SLC6A2: variants seen among roughly 807,000 people sequenced by gnomAD.
The protein encoded by SLC6A2 is sodium-dependent noradrenaline transporter.
In SLC6A2, 26 loss-of-function variants were observed where a neutral mutation model predicts 71.7. That is an observed-to-expected ratio of 0.36 (90% CI 0.27 to 0.50). The LOEUF (loss-of-function observed/expected upper bound fraction) is 0.50, where lower values mean the gene tolerates loss of function less well. SLC6A2 is among the 20% of genes least tolerant of loss of function. The pLI is 0.96. For synonymous variants in SLC6A2, 363 were observed against 337.9 expected (o/e 1.07, Z -0.82); for missense variants, 581 against 803.9 (o/e 0.72, Z 3.35).
At chr16:55,700,545 G>A (rs575756850) in intron 13 of SLC6A2, among the ~76,000 whole-genome samples, 80 of 152,222 alleles carry the variant, frequency 5.3e-4, no homozygotes, top group African/African-American at 1.6e-3. Context: ...AGTGTCTGGC[G>A]CACAGGAGGT....
At chr16:55,657,969 T>C (rs767745449) in intron 2 of SLC6A2, among the ~76,000 whole-genome samples, 11 of 151,818 alleles carry the variant, frequency 7.2e-5, no homozygotes, top group Non-Finnish European at 1.2e-4. Context: ...TGTGGGAAAA[T>C]AGACCTTTTG....
At position 55,672,080 on chromosome 16, in the gene SLC6A2, C is replaced by G. The variant is rs1235943650; in HGVS notation, c.549C>G (p.Pro183=). The change falls in exon 4 of 15, where the codon CCC becomes CCG. Residue 183 remains proline, a synonymous_variant. Transcript: ENST00000568943. ...WTDCGHTWNS[P]NCTDPKLLNG... ...ACTGTGGCCACACCTGGAACAGCCC[C>G]AACTGTACCGACCCCAAGCTCCTCA... 4 of 1,614,216 alleles carry G rather than the reference C, an allele frequency of 2.5e-6. No individual in the cohort carries two copies. The highest frequency in any genetic ancestry group is 1.7e-5 in the Admixed American group (1 of 60,034).
chr16:55,700,177 C>T lies in SLC6A2; in HGVS notation c.1629C>T (p.Leu543=). Residue 543 remains leucine (L), a synonymous_variant, in exon 13 of 15, where the codon CTC becomes CTT. Transcript: ENST00000568943. ...VVVSIINFKP[L]TYDDYIFPPW... Reference sequence around the variant, plus strand: ...TCAGCATCATCAACTTCAAGCCACTCACCTACGACGACTACATCTTCCCGC... The same window carrying T: ...TCAGCATCATCAACTTCAAGCCACTTACCTACGACGACTACATCTTCCCGC... 6.2e-7 allele frequency: 1 copy of T among 1,614,126 alleles called. No individual in the cohort carries two copies. The highest frequency in any genetic ancestry group is 1.1e-5 in the South Asian group (1 of 91,084).
intron 5 of SLC6A2, among the ~76,000 whole-genome samples, chr16:55,687,730 G>A (rs531938690): frequency 1.1e-4 from 16 of 152,282 alleles, no homozygotes; most frequent in African/African-American, 3.9e-4. Flanking sequence ...TTCTAACATT[G>A]CACCCCAAGA....
Position 55,700,431 on chromosome 16 carries a change from C to T in SLC6A2, c.1758+125C>T, listed in dbSNP as rs149586153. ...ACACAGACACTAGGGTCAAACGGAC[C>T]CACCTCATTGGCCAGGTTATTTTCC... On this transcript the variant is annotated intron_variant, in intron 13 of 14. Transcript: ENST00000568943. 432 of 777,868 alleles carry T rather than the reference C, an allele frequency of 5.6e-4. 3 individuals are homozygous for T. In the East Asian group the frequency reaches 0.011, roughly 21 times the overall value. 48.2% of individuals were successfully genotyped at this position (777,868 alleles called of 1,614,324 possible). A position where few individuals can be genotyped will look rare whatever the true frequency, so the allele number is the denominator to read the frequency against.
intron 5 of SLC6A2, among the ~76,000 whole-genome samples, chr16:55,691,345 G>A (rs1419843534): frequency 6.6e-6 from 1 of 151,624 alleles, no homozygotes; most frequent in Non-Finnish European, 1.5e-5. Flanking sequence ...GCAATGGTGT[G>A]ATGGACACAG....
At position 55,656,391 on chromosome 16, in the gene SLC6A2, G is replaced by T; in HGVS notation, c.-52+222G>T. On this transcript the variant is annotated intron_variant, in intron 1 of 14. Transcript: ENST00000568943. The surrounding 1 kb of genome is among the most constrained non-coding windows in gnomAD (Gnocchi z 4.5). ...CAGCCATTTGGGGCAGGCGAGAGTG[G>T]GTGAACGAGGAAAAGTGCTGCAGGG... 2.0e-6 allele frequency: 1 copy of T among 494,474 alleles called. No individual in the cohort carries two copies. The allele number at this position is 494,474 out of a possible 1,614,324, so 30.6% of individuals were successfully genotyped here.
chr16:55,681,078 C>G (rs74019214), intron 4 of SLC6A2, among the ~76,000 whole-genome samples: 2,221 of 152,270 alleles, frequency 0.015, 63 homozygotes, highest in African/African-American at 0.05. Flanking sequence ...GCGGAGTCTC[C>G]CCAGCCGACC....
chr16:55,687,958 C>G (rs1965506730), intron 5 of SLC6A2, among the ~76,000 whole-genome samples: 3 of 152,186 alleles, frequency 2.0e-5, no homozygotes, highest in Admixed American at 2.0e-4. Context: ...CATGTAGAAA[C>G]ACAATGAGAG....
At chr16:55,691,808 A>G in intron 5 of SLC6A2, 110 bp from the exon 6 acceptor site, 1 of 1,252,374 alleles carries the variant, frequency 8.0e-7, no homozygotes, top group Non-Finnish European at 1.2e-6. Context: ...GGGTAAAGGA[A>G]GGTGGGAAAG....
At chr16:55,697,406 A>G (rs1287313832) in intron 9 of SLC6A2, among the ~76,000 whole-genome samples, 5 of 152,176 alleles carry the variant, frequency 3.3e-5, no homozygotes, top group African/African-American at 1.2e-4. Flanking sequence ...TTCAGACTCT[A>G]AGAGTCTGGA....
intron 4 of SLC6A2, among the ~76,000 whole-genome samples, chr16:55,679,992 C>G (rs1353112901): frequency 2.6e-5 from 4 of 152,204 alleles, no homozygotes; most frequent in Non-Finnish European, 5.9e-5. Flanking sequence ...CCTCTACCCT[C>G]TAGATACCAG....
chr16:55,663,999 T>A (rs1964680106), intron 2 of SLC6A2, among the ~76,000 whole-genome samples: 1 of 152,112 alleles, frequency 6.6e-6, no homozygotes. Context: ...CCCACTCAGC[T>A]TATTAGTATT....
At chr16:55,674,884 G>T (rs1965037155) in intron 4 of SLC6A2, among the ~76,000 whole-genome samples, 1 of 152,142 alleles carries the variant, frequency 6.6e-6, no homozygotes, top group Admixed American at 6.5e-5. Flanking sequence ...GGGATTGCTG[G>T]GTCGAATGGT....
rs147126320 is a variant in SLC6A2 at position 55,663,037 on chromosome 16, T to C, written c.274+6069T>C. Among the ~76,000 whole-genome samples the C allele has an allele frequency of 2.0e-3, 311 of 152,330 alleles. 1 individual carries two copies. Among genetic ancestry groups the C allele is most frequent in the African/African-American group, 6.9e-3 (287 of 41,582 alleles). ...ATTCCCACAAGAATGCCCCTCACTT[T>C]GTGTTCCTATAATGAGCCCCAGGTT... On this transcript the variant is annotated intron_variant, in intron 2 of 14. Transcript: ENST00000568943.
chr16:55,690,649 G>A (rs1965589223), intron 5 of SLC6A2, among the ~76,000 whole-genome samples: 1 of 152,124 alleles, frequency 6.6e-6, no homozygotes, highest in South Asian at 2.1e-4. Context: ...GGCTACCCAT[G>A]GCTGCCTCTG....
chr16:55,695,723 A>G (rs901355562), intron 8 of SLC6A2, among the ~76,000 whole-genome samples: 1 of 152,214 alleles, frequency 6.6e-6, no homozygotes, highest in Non-Finnish European at 1.5e-5. Context: ...GCAAGTGTCA[A>G]TAGACTCACT....
Position 55,656,742 on chromosome 16 carries a change from G to C in SLC6A2, c.48G>C (p.Gly16=), listed in dbSNP as rs551459843. 3.7e-6 allele frequency: 6 copies of C among 1,613,032 alleles called. No homozygotes were observed. In the African/African-American group the frequency reaches 6.7e-5, roughly 18 times the overall value. Reference sequence around the variant, plus strand: ...CGCAGGTGCAGCCCGAGAACAACGGGGCGGACACGGGTCCAGAGCAGCCCC... The same window carrying C: ...CGCAGGTGCAGCCCGAGAACAACGGCGCGGACACGGGTCCAGAGCAGCCCC... ...MNPQVQPENN[G]ADTGPEQPLR... is the part of the protein sequence containing the mutation. Residue 16 remains glycine (G), a synonymous_variant, in exon 2 of 15, where the codon GGG becomes GGC. Transcript: ENST00000568943. This position sits in a 1 kb window ranked among gnomAD's most constrained non-coding sequence, Gnocchi z 4.5.
Position 55,656,952 on chromosome 16 carries a change from C to T in SLC6A2, c.258C>T (p.Cys86=), listed in dbSNP as rs769761247. 2.5e-6 allele frequency: 4 copies of T among 1,613,560 alleles called. No homozygotes were observed. In the South Asian group the frequency reaches 3.3e-5, roughly 13 times the overall value. Reference sequence around the variant, plus strand: ...ACGTGTGGCGCTTCCCCTACCTCTGCTACAAGAACGGCGGCGGTGAGCGTG... The same window carrying T: ...ACGTGTGGCGCTTCCCCTACCTCTGTTACAAGAACGGCGGCGGTGAGCGTG... ...LANVWRFPYL[C]YKNGGGAFLI... Residue 86 remains cysteine, a synonymous_variant, in exon 2 of 15, where the codon TGC becomes TGT. Coordinates refer to ENST00000568943, the MANE Select transcript of SLC6A2 (RefSeq NM_001172501.3). This position sits in a 1 kb window ranked among gnomAD's most constrained non-coding sequence, Gnocchi z 4.5.
Sources: allele counts gnomAD v4.1 joint callset (sites outside exome capture counted in the v4.1 genomes callset), GRCh38; gene constraint gnomAD v4.1.1; non-coding constraint Gnocchi (gnomAD v3.1); transcripts MANE v1.5; gene names NCBI Gene and HGNC (gene_info 2026-07-23, HGNC 2026-07-21).